Variants in DRC8 observed in about 807,000 individuals in gnomAD.
DRC8 encodes dynein regulatory complex protein 8.
At chr1:245,018,454 C>T in the DRC8 span, among the ~76,000 whole-genome samples, 1 of 152,124 alleles carries the variant, frequency 6.6e-6, no homozygotes, top group South Asian at 2.1e-4. Flanking sequence ...GGTCACATTG[C>T]ATTCTGTGGG....
At chr1:244,972,806 A>G in the DRC8 span, among the ~76,000 whole-genome samples, 5 of 146,890 alleles carry the variant, frequency 3.4e-5, no homozygotes, top group African/African-American at 1.3e-4. Flanking sequence ...ACAGAGTAAG[A>G]CTCCGTCTCA....
At chr1:244,986,391 G>A in the DRC8 span, among the ~76,000 whole-genome samples, 1 of 152,174 alleles carries the variant, frequency 6.6e-6, no homozygotes, top group African/African-American at 2.4e-5. Context: ...GGAGTTGCAC[G>A]AGGCTCCATT....
chr1:245,094,504 G>T, the DRC8 span, among the ~76,000 whole-genome samples: 2 of 152,140 alleles, frequency 1.3e-5, no homozygotes, highest in East Asian at 3.8e-4. Context: ...CAGGACAGCC[G>T]CCTGCCTTCC....
chr1:244,970,371 G>A, the DRC8 span: 5 of 1,516,836 alleles, frequency 3.3e-6, no homozygotes, highest in East Asian at 1.3e-4. Flanking sequence ...GGACACCGCG[G>A]CCGAGGTTAT....
the DRC8 span, among the ~76,000 whole-genome samples, chr1:245,043,468 C>CA: frequency 6.6e-6 from 1 of 151,766 alleles, no homozygotes; most frequent in Non-Finnish European, 1.5e-5. Context: ...AAAAAGAAAT[C>CA]AAATGTCTCA....
At chr1:245,057,065 G>A in the DRC8 span, among the ~76,000 whole-genome samples, 3 of 152,194 alleles carry the variant, frequency 2.0e-5, no homozygotes, top group African/African-American at 7.2e-5. Context: ...TGGAAGTGAG[G>A]TGCAGAAACA....
the DRC8 span, among the ~76,000 whole-genome samples, chr1:245,038,391 A>G: frequency 6.6e-6 from 1 of 152,136 alleles, no homozygotes; most frequent in African/African-American, 2.4e-5. Context: ...AAAGGCATGA[A>G]CCTGGGAGGC....
At chr1:245,119,932 C>CAAAA in the DRC8 span, among the ~76,000 whole-genome samples, 7 of 99,708 alleles carry the variant, frequency 7.0e-5, no homozygotes, top group African/African-American at 1.6e-4. Context: ...GACCCCGTCT[C>CAAAA]AAAAAAAAAT....
the DRC8 span, among the ~76,000 whole-genome samples, chr1:245,037,032 A>G: frequency 6.6e-5 from 10 of 152,232 alleles, no homozygotes; most frequent in Non-Finnish European, 1.3e-4. Context: ...ACCAATTTAC[A>G]TAGAATCATT....
chr1:245,045,121 C>T, the DRC8 span, among the ~76,000 whole-genome samples: 3 of 152,270 alleles, frequency 2.0e-5, no homozygotes, highest in East Asian at 1.9e-4. Flanking sequence ...GTCATCCTCC[C>T]ATCTCAGCCT....
chr1:244,990,032 C>T, the DRC8 span, among the ~76,000 whole-genome samples: 1 of 152,250 alleles, frequency 6.6e-6, no homozygotes, highest in African/African-American at 2.4e-5. Flanking sequence ...TAATCATTGA[C>T]ATCTTCTGCT....
chr1:245,022,534 T>A, the DRC8 span, among the ~76,000 whole-genome samples: 1 of 152,180 alleles, frequency 6.6e-6, no homozygotes, highest in Non-Finnish European at 1.5e-5. Flanking sequence ...AATTAAATTT[T>A]TGAATAGATG....
At chr1:245,027,923 C>T in the DRC8 span, among the ~76,000 whole-genome samples, 15 of 150,676 alleles carry the variant, frequency 1.0e-4, no homozygotes, top group African/African-American at 1.7e-4. Context: ...ACTGGGTCTC[C>T]GTCTGTCACC....
At chr1:245,056,105 A>C in the DRC8 span, among the ~76,000 whole-genome samples, 1 of 152,168 alleles carries the variant, frequency 6.6e-6, no homozygotes, top group Non-Finnish European at 1.5e-5. Context: ...CAAAAGGTAG[A>C]TGCTGAAAAG....
the DRC8 span, among the ~76,000 whole-genome samples, chr1:245,054,844 A>G: frequency 6.6e-6 from 1 of 152,176 alleles, no homozygotes; most frequent in Non-Finnish European, 1.5e-5. Context: ...TTAGCTTGTT[A>G]CTGTCTCATG....
chr1:245,118,359 G>C, the DRC8 span, among the ~76,000 whole-genome samples: 1 of 152,334 alleles, frequency 6.6e-6, no homozygotes, highest in South Asian at 2.1e-4. Context: ...AGCCAGGTGA[G>C]GTTGTGGCTT....
the DRC8 span, among the ~76,000 whole-genome samples, chr1:245,069,071 T>C: frequency 0.011 from 1,696 of 152,282 alleles, 35 homozygotes; most frequent in African/African-American, 0.039. Context: ...AAGGATATTA[T>C]GCTAAGCAAA....
chr1:245,073,636 G>A, the DRC8 span, among the ~76,000 whole-genome samples: 1 of 151,668 alleles, frequency 6.6e-6, no homozygotes, highest in Non-Finnish European at 1.5e-5. Flanking sequence ...GGCTTGATAA[G>A]ATGTTCACAG....
the DRC8 span, among the ~76,000 whole-genome samples, chr1:245,013,404 T>G: frequency 4.6e-5 from 7 of 152,212 alleles, no homozygotes; most frequent in Admixed American, 4.6e-4. Context: ...GGCAGTGTCG[T>G]AACCAGAGAG....
Sources: allele counts gnomAD v4.1 joint callset (sites outside exome capture counted in the v4.1 genomes callset), GRCh38; gene constraint gnomAD v4.1.1; transcripts MANE v1.5; gene names NCBI Gene and HGNC (gene_info 2026-07-23, HGNC 2026-07-21).